SLF1: variants seen among roughly 807,000 people sequenced by gnomAD.
SLF1 encodes SMC5-SMC6 complex localization factor protein 1.
SLF1 carries 105 observed loss-of-function variants against 123.0 expected under a neutral mutation model. The observed-to-expected ratio is 0.85, with a 90% CI of 0.73 to 1.00. The LOEUF (loss-of-function observed/expected upper bound fraction) is 1.00. SLF1 is among the 50% of genes least tolerant of loss of function. The pLI, the probability that SLF1 is intolerant of heterozygous loss-of-function variation, is 0.00. For missense variants in SLF1, 1,239 were observed against 1,223.0 expected, an observed-to-expected ratio of 1.01 and a Z score of -0.20; for synonymous variants, 434 against 406.6, an observed-to-expected ratio of 1.07 and a Z score of -0.81.
chr5:94,665,954 T>C lies in SLF1; in HGVS notation c.1462T>C (p.Tyr488His). The change falls in exon 12 of 21, where the codon TAT (tyrosine) becomes CAT (histidine). Residue 488 changes from tyrosine to histidine, a missense_variant. Coordinates refer to ENST00000265140, the MANE Select transcript of SLF1 (RefSeq NM_032290.4). ...TTGGAAGTCTCCAGCCATGTCGAGATATTATTTAGAGTTGTTTCAGTGTCC... is the reference window on the plus strand; with the variant it reads ...TTGGAAGTCTCCAGCCATGTCGAGACATTATTTAGAGTTGTTTCAGTGTCC... ...PPWKSPAMSR[Y>H]YLELFQCPTC... The C allele has an allele frequency of 6.4e-7, 1 of 1,551,390 alleles. No individual in the cohort carries two copies. Among genetic ancestry groups the C allele is most frequent in the South Asian group, 1.2e-5 (1 of 84,058 alleles).
chr5:94,678,712 G>T, intron 14 of SLF1, 96 bp from the exon 15 acceptor site: 1 of 1,082,672 alleles, frequency 9.2e-7, no homozygotes. Context: ...TTTTTAAATA[G>T]CTATGTTTTG....
chr5:94,634,193 A>T (rs944544532), intron 4 of SLF1, among the ~76,000 whole-genome samples: 1 of 152,122 alleles, frequency 6.6e-6, no homozygotes, highest in African/African-American at 2.4e-5. Flanking sequence ...ATTTATACTG[A>T]ATTCCTGTTA....
At chr5:94,689,972 A>T (rs761669119) in intron 18 of SLF1, among the ~76,000 whole-genome samples, 2 of 152,144 alleles carry the variant, frequency 1.3e-5, no homozygotes, top group East Asian at 3.8e-4. Flanking sequence ...TTCAGTCTTC[A>T]TCTCTTTCAG....
chr5:94,666,953 CTTTT>C (rs34215806), intron 12 of SLF1, among the ~76,000 whole-genome samples: 4 of 104,608 alleles, frequency 3.8e-5, no homozygotes, highest in East Asian at 6.7e-4. Flanking sequence ...CTGGGAAGAT[CTTTT>C]TTTTTTTTTT....
chr5:94,643,310 A>C lies in SLF1; in HGVS notation c.469A>C (p.Lys157Gln). Residue 157 changes from lysine to glutamine, a missense_variant, in exon 5 of 21, where the codon AAA becomes CAA. Transcript: ENST00000265140. ...EAGKANVILP[K>Q]SSPSGITHVI... Reference sequence around the variant, plus strand: ...TGGAAAGGCAAATGTTATTTTACCAAAAAGTTCACCAAGTGGAATAACTCA... The same window carrying C: ...TGGAAAGGCAAATGTTATTTTACCACAAAGTTCACCAAGTGGAATAACTCA... 1 of 1,542,980 alleles carries C rather than the reference A, an allele frequency of 6.5e-7. No individual in the cohort carries two copies. Among genetic ancestry groups the C allele is most frequent in the Non-Finnish European group, 8.7e-7 (1 of 1,143,692 alleles).
Position 94,653,357 on chromosome 5 carries a change from A to G in SLF1, c.968A>G (p.Lys323Arg). The G allele has an allele frequency of 6.5e-7, 1 of 1,531,860 alleles. No individual in the cohort carries two copies. The allele number at this position is 1,531,860 out of a possible 1,614,324, so 94.9% of individuals were successfully genotyped here. A position where few individuals can be genotyped will look rare whatever the true frequency, so the allele number is the denominator to read the frequency against. ...AAGAAAGGAAAAGAAAGCAATTGCA[A>G]GAAAGGCGTTGAACATGAAAAAATA... ...KRKKGKESNC[K>R]KGVEHEKIKS... Residue 323 changes from lysine (K) to arginine (R), a missense_variant, in exon 8 of 21, where the codon AAG (lysine) becomes AGG (arginine). Coordinates refer to ENST00000265140, the MANE Select transcript of SLF1 (RefSeq NM_032290.4).
chr5:94,692,310 A>G (rs941527705), intron 20 of SLF1, 54 bp downstream of exon 20: 17 of 1,539,052 alleles, frequency 1.1e-5, no homozygotes, highest in Admixed American at 5.2e-5. Flanking sequence ...TTTTTGATGA[A>G]TCCTGCAGAG....
intron 9 of SLF1, among the ~76,000 whole-genome samples, chr5:94,657,352 T>A (rs1748527068): frequency 6.6e-6 from 1 of 152,056 alleles, no homozygotes; most frequent in African/African-American, 2.4e-5. Flanking sequence ...TTGTACAGTT[T>A]CCAAAGTTTT....
chr5:94,684,740 C>T (rs1752221478), intron 15 of SLF1, among the ~76,000 whole-genome samples: 1 of 149,304 alleles, frequency 6.7e-6, no homozygotes, highest in African/African-American at 2.5e-5. Flanking sequence ...CTGTAGAGGC[C>T]ATATTGGAAG....
intron 1 of SLF1, among the ~76,000 whole-genome samples, chr5:94,627,898 C>T (rs946909727): frequency 2.0e-5 from 3 of 149,662 alleles, no homozygotes; most frequent in Admixed American, 6.6e-5. Flanking sequence ...CGCGTGATCT[C>T]GCCTCATGGC....
intron 5 of SLF1, among the ~76,000 whole-genome samples, chr5:94,648,281 A>C (rs534805225): frequency 6.6e-6 from 1 of 152,202 alleles, no homozygotes; most frequent in Non-Finnish European, 1.5e-5. Context: ...TCAATCAGCT[A>C]TTCTCAGGGA....
At chr5:94,689,133 T>C (rs1258250778) in intron 17 of SLF1, among the ~76,000 whole-genome samples, 2 of 152,198 alleles carry the variant, frequency 1.3e-5, no homozygotes, top group Non-Finnish European at 2.9e-5. Context: ...AATCAGAATA[T>C]GAAAGTAAGA....
intron 12 of SLF1, 37 bp downstream of exon 12, chr5:94,666,061 T>C (rs1161217604): frequency 4.0e-6 from 6 of 1,484,642 alleles, no homozygotes; most frequent in Non-Finnish European, 5.4e-6. Flanking sequence ...TACATTTCAT[T>C]GAGTAGTTGT....
chr5:94,621,598 T>A (rs1029909926), intron 1 of SLF1, among the ~76,000 whole-genome samples: 9 of 152,292 alleles, frequency 5.9e-5, no homozygotes, highest in African/African-American at 2.2e-4. Context: ...ACCTTTCCTC[T>A]CTTGACCAAC....
At chr5:94,691,853 T>C (rs902467955) in intron 19 of SLF1, among the ~76,000 whole-genome samples, 197 bp downstream of exon 19, 1 of 152,126 alleles carries the variant, frequency 6.6e-6, no homozygotes, top group African/African-American at 2.4e-5. Context: ...TTTTTTGGTG[T>C]CCATATTTTG....
intron 5 of SLF1, among the ~76,000 whole-genome samples, chr5:94,647,456 C>T (rs1747191546): frequency 6.6e-6 from 1 of 152,164 alleles, no homozygotes; most frequent in Non-Finnish European, 1.5e-5. Context: ...GAAACTAAGT[C>T]AAATATCAGA....
chr5:94,627,749 C>T (rs1234876785), intron 1 of SLF1, among the ~76,000 whole-genome samples: 4 of 150,928 alleles, frequency 2.7e-5, no homozygotes, highest in Non-Finnish European at 5.9e-5. Context: ...TATGTGTCCA[C>T]AGAGACTTTA....
chr5:94,663,738 T>G lies in SLF1; in HGVS notation c.1210-12T>G. 6.6e-7 allele frequency: 1 copy of G among 1,507,038 alleles called. No individual in the cohort carries two copies. The highest frequency in any genetic ancestry group is 8.9e-7 in the Non-Finnish European group (1 of 1,126,504). The allele number at this position is 1,507,038 out of a possible 1,614,324, so 93.4% of individuals were successfully genotyped here. ...TTCTTTTCTCTGAATCATAGAATCT[T>G]TCCTTTCTTAGGTTAAAAATGCTGA... On this transcript the variant is annotated splice_polypyrimidine_tract_variant and intron_variant, in intron 10 of 20. Coordinates refer to ENST00000265140, the MANE Select transcript of SLF1 (RefSeq NM_032290.4).
chr5:94,625,841 CATT>C (rs945927296), intron 1 of SLF1, among the ~76,000 whole-genome samples: 4 of 152,144 alleles, frequency 2.6e-5, no homozygotes, highest in South Asian at 4.1e-4. Context: ...CAGACTAAAT[CATT>C]ATTATTTCTA....
Sources: allele counts gnomAD v4.1 joint callset (sites outside exome capture counted in the v4.1 genomes callset), GRCh38; gene constraint gnomAD v4.1.1; transcripts MANE v1.5; gene names NCBI Gene and HGNC (gene_info 2026-07-23, HGNC 2026-07-21).